MEGF11: variants seen among roughly 807,000 people sequenced by gnomAD.
MEGF11 encodes multiple EGF like domains 11.
MEGF11 carries 126 observed loss-of-function variants against 146.6 expected under a neutral mutation model. The observed-to-expected ratio is 0.86, with a 90% CI of 0.74 to 1.00. MEGF11 has a LOEUF of 1.00. Among genes scored for constraint, MEGF11 ranks in the 50% least tolerant of loss-of-function variants. The probability of loss-of-function intolerance (pLI) is 0.00; values close to 1 mark genes in which losing one functional copy is unlikely to be tolerated. For synonymous variants in MEGF11, 532 were observed against 583.4 expected, an observed-to-expected ratio of 0.91 and a Z score of 1.27; for missense variants, 1,509 against 1,521.2, an observed-to-expected ratio of 0.99 and a Z score of 0.13.
At chr15:66,103,574 G>A (rs559217240) in intron 4 of MEGF11, among the ~76,000 whole-genome samples, 21 of 152,260 alleles carry the variant, frequency 1.4e-4, no homozygotes, top group African/African-American at 4.6e-4. Flanking sequence ...AGAGTAAGAG[G>A]AGGATGGGAG....
chr15:66,045,751 G>C (rs535427780), intron 5 of MEGF11, among the ~76,000 whole-genome samples: 2 of 152,232 alleles, frequency 1.3e-5, no homozygotes, highest in African/African-American at 4.8e-5. Flanking sequence ...ACAGTTGGCA[G>C]GGCACTTTCT....
At chr15:66,134,453 T>TGGCCCCTCCCCACCA (rs1555475070) in intron 1 of MEGF11, among the ~76,000 whole-genome samples, 8,942 of 151,954 alleles carry the variant, frequency 0.059, 371 homozygotes, top group South Asian at 0.2. Flanking sequence ...CCCGGACACC[T>TGGCCCCTCCCCACCA]GCCTGGCCCC....
At chr15:66,060,996 G>C (rs1204825876) in intron 5 of MEGF11, among the ~76,000 whole-genome samples, 1 of 152,216 alleles carries the variant, frequency 6.6e-6, no homozygotes, top group African/African-American at 2.4e-5. Context: ...GGCTGGAATG[G>C]GGACTGGAGG....
intron 19 of MEGF11, 27 bp downstream of exon 19, chr15:65,915,443 C>T (rs777112813): frequency 1.9e-6 from 3 of 1,611,350 alleles, no homozygotes; most frequent in Admixed American, 1.7e-5. Context: ...TTCCACAGAC[C>T]CCGGGGCTCT....
At chr15:66,168,600 T>G (rs975872652) in intron 1 of MEGF11, among the ~76,000 whole-genome samples, 1 of 152,182 alleles carries the variant, frequency 6.6e-6, no homozygotes, top group South Asian at 2.1e-4. Context: ...GTTTCAAATA[T>G]CTCATTAATT....
At chr15:66,038,533 CTTTAA>C (rs1049396468) in intron 5 of MEGF11, among the ~76,000 whole-genome samples, 3 of 152,154 alleles carry the variant, frequency 2.0e-5, no homozygotes, top group African/African-American at 7.2e-5. Flanking sequence ...TTTTGCGGCA[CTTTAA>C]TTTAACGAGG....
intron 5 of MEGF11, among the ~76,000 whole-genome samples, chr15:65,991,339 C>T (rs1187077578): frequency 6.6e-6 from 1 of 152,138 alleles, no homozygotes; most frequent in African/African-American, 2.4e-5. Context: ...TCATACCCTG[C>T]CTCATTCCAA....
intron 5 of MEGF11, among the ~76,000 whole-genome samples, chr15:66,018,746 G>A (rs141403447): frequency 5.9e-5 from 9 of 152,306 alleles, no homozygotes; most frequent in African/African-American, 1.4e-4. Context: ...GGTGCTGAGT[G>A]TGAGGTTAGG....
chr15:66,049,689 G>T (rs192800656), intron 5 of MEGF11, among the ~76,000 whole-genome samples: 34 of 152,280 alleles, frequency 2.2e-4, no homozygotes, highest in African/African-American at 8.2e-4. Context: ...ATCTGTTGTT[G>T]CATCCTTACA....
intron 5 of MEGF11, among the ~76,000 whole-genome samples, chr15:66,085,556 C>A (rs530606150): frequency 2.0e-5 from 3 of 152,328 alleles, no homozygotes; most frequent in South Asian, 2.1e-4. Flanking sequence ...TACCAGGTAG[C>A]TAGACCCAGA....
Position 66,047,515 on chromosome 15 carries a change from C to T in MEGF11, c.394+46887G>A, listed in dbSNP as rs142245479. On this transcript the variant is annotated intron_variant, in intron 5 of 25. Transcript: ENST00000395614. ...CACCTACAGCACTGGGAATAATAAACACGAACTCCCCAGTCTTTATGATGG... is the reference window on the plus strand; with the variant it reads ...CACCTACAGCACTGGGAATAATAAATACGAACTCCCCAGTCTTTATGATGG... Among the ~76,000 whole-genome samples the T allele has an allele frequency of 5.3e-3, 814 of 152,308 alleles. 7 individuals carry two copies. The highest frequency in any genetic ancestry group is 0.019 in the African/African-American group (771 of 41,562).
chr15:66,076,005 C>T (rs886698162), intron 5 of MEGF11, among the ~76,000 whole-genome samples: 5 of 152,050 alleles, frequency 3.3e-5, no homozygotes, highest in Non-Finnish European at 5.9e-5. Context: ...CGGAACCTAG[C>T]ACAGTGTCTG....
At chr15:65,908,937 G>T in intron 23 of MEGF11, 97 bp downstream of exon 23, 2 of 721,216 alleles carry the variant, frequency 2.8e-6, no homozygotes, top group South Asian at 1.7e-5. Flanking sequence ...AGAGTTCTGG[G>T]ACCACAGGGT....
At chr15:65,931,062 T>C (rs2079559464) in intron 10 of MEGF11, 119 bp from the exon 11 acceptor site, 1 of 1,219,354 alleles carries the variant, frequency 8.2e-7, no homozygotes, top group East Asian at 2.9e-5. Flanking sequence ...CTGGGATCTG[T>C]GAATATGTTA....
At chr15:66,150,615 T>TGGAAGGAAGGAAGGAAGGAAGGAAGGAA (rs139546795) in intron 1 of MEGF11, among the ~76,000 whole-genome samples, 10 of 146,542 alleles carry the variant, frequency 6.8e-5, no homozygotes, top group South Asian at 2.3e-4. Context: ...GACTTATTAG[T>TGGAAGGAAGGAAGGAAGGAAGGAAGGAA]GGAAGGAAGG....
At chr15:66,027,898 C>T (rs1288125255) in intron 5 of MEGF11, among the ~76,000 whole-genome samples, 1 of 152,158 alleles carries the variant, frequency 6.6e-6, no homozygotes, top group Non-Finnish European at 1.5e-5. Flanking sequence ...AGACTTGGGC[C>T]TCAGCTTCCT....
chr15:65,919,137 C>T (rs975949563), intron 15 of MEGF11, among the ~76,000 whole-genome samples: 3 of 152,226 alleles, frequency 2.0e-5, no homozygotes, highest in South Asian at 4.1e-4. Flanking sequence ...CCCAGCCAGA[C>T]GGTGGGCCGC....
At position 66,094,380 on chromosome 15, in the gene MEGF11, G is replaced by A. The variant is rs375139532; in HGVS notation, c.394+22C>T. On this transcript the variant is annotated intron_variant, in intron 5 of 25. Coordinates refer to ENST00000395614, the MANE Select transcript of MEGF11 (RefSeq NM_001385028.1). ...CCAAGTCAGAGCCAGGGTGCCTCCT[G>A]ACCCCCAAACCCCAGACTCACCGCT... The A allele has an allele frequency of 5.0e-4, 771 of 1,547,806 alleles. 1 individual carries two copies. The highest frequency in any genetic ancestry group is 6.5e-4 in the Non-Finnish European group (740 of 1,144,090).
intron 4 of MEGF11, among the ~76,000 whole-genome samples, chr15:66,099,296 C>A (rs952504148): frequency 6.6e-6 from 1 of 151,486 alleles, no homozygotes; most frequent in Non-Finnish European, 1.5e-5. Flanking sequence ...GATTCTCCTG[C>A]CTCAGCCTCC....
Sources: allele counts gnomAD v4.1 joint callset (sites outside exome capture counted in the v4.1 genomes callset), GRCh38; gene constraint gnomAD v4.1.1; transcripts MANE v1.5; gene names NCBI Gene and HGNC (gene_info 2026-07-23, HGNC 2026-07-21).